The following SRGAP1 variants were observed in gnomAD, a reference collection of about 807,000 sequenced individuals.
SRGAP1 encodes the protein SLIT-ROBO Rho GTPase activating protein 1, also known as SLIT-ROBO Rho GTPase-activating protein 1.
In SRGAP1, 43 loss-of-function variants were observed where a neutral mutation model predicts 121.9. The observed-to-expected ratio is 0.35, with a 90% CI of 0.28 to 0.46. The LOEUF (loss-of-function observed/expected upper bound fraction) is 0.46. SRGAP1 is among the 20% of genes least tolerant of loss of function. The probability of loss-of-function intolerance (pLI) is 1.00; values close to 1 mark genes in which losing one functional copy is unlikely to be tolerated. For synonymous variants in SRGAP1, 447 were observed against 485.4 expected (o/e 0.92, Z 1.04); for missense variants, 1,102 against 1,350.9 (o/e 0.82, Z 2.89).
intron 9 of SRGAP1, among the ~76,000 whole-genome samples, chr12:64,079,583 G>T (rs974085075): frequency 2.0e-5 from 3 of 151,960 alleles, no homozygotes; most frequent in Non-Finnish European, 4.4e-5. Context: ...CTACTTGGGA[G>T]GCTGAGGTGA....
At chr12:63,904,977 C>T (rs1227984599) in intron 1 of SRGAP1, among the ~76,000 whole-genome samples, 2 of 152,012 alleles carry the variant, frequency 1.3e-5, no homozygotes, top group African/African-American at 4.8e-5. Context: ...GAAAACTTTC[C>T]GTTTTACCTT....
At chr12:64,045,428 T>C (rs2035109618) in intron 6 of SRGAP1, among the ~76,000 whole-genome samples, 1 of 151,794 alleles carries the variant, frequency 6.6e-6, no homozygotes, top group Admixed American at 6.6e-5. Context: ...CTTGGCTAAA[T>C]CCAAACCAAT....
chr12:63,902,708 T>A (rs2029994560), intron 1 of SRGAP1, among the ~76,000 whole-genome samples: 1 of 152,246 alleles, frequency 6.6e-6, no homozygotes, highest in Non-Finnish European at 1.5e-5. Context: ...GACAGCTGCA[T>A]GAAGAGACCT....
At chr12:63,849,778 A>G (rs1310905097) in intron 1 of SRGAP1, among the ~76,000 whole-genome samples, 1 of 152,234 alleles carries the variant, frequency 6.6e-6, no homozygotes, top group Non-Finnish European at 1.5e-5. Context: ...CACTCATTAC[A>G]TGATGCAGGG....
At position 63,987,826 on chromosome 12, in the gene SRGAP1, C is replaced by T. The variant is rs138093042; in HGVS notation, c.264-2084C>T. On this transcript the variant is annotated intron_variant, in intron 2 of 21. Transcript: ENST00000355086. ...TGTCTGTAAAATCTTTATACCAGCCCGTGATAAAACAGCTGACTTTATATA... is the reference window on the plus strand; with the variant it reads ...TGTCTGTAAAATCTTTATACCAGCCTGTGATAAAACAGCTGACTTTATATA... Among the ~76,000 whole-genome samples, 885 of 152,218 alleles carry T rather than the reference C, an allele frequency of 5.8e-3. 15 individuals are homozygous for T. The highest frequency in any genetic ancestry group is 0.018 in the Admixed American group (277 of 15,284).
chr12:64,039,216 C>T (rs558159815), intron 4 of SRGAP1, among the ~76,000 whole-genome samples: 69 of 152,290 alleles, frequency 4.5e-4, no homozygotes, highest in African/African-American at 1.6e-3. Context: ...AATTGGAAAA[C>T]TCAACAAAGA....
At chr12:64,024,262 C>T (rs2034608094) in intron 4 of SRGAP1, among the ~76,000 whole-genome samples, 1 of 152,090 alleles carries the variant, frequency 6.6e-6, no homozygotes, top group Non-Finnish European at 1.5e-5. Context: ...AAACCTGTCT[C>T]TCCTAAAAAA....
At chr12:64,099,608 C>T (rs887549977) in intron 15 of SRGAP1, among the ~76,000 whole-genome samples, 2 of 152,114 alleles carry the variant, frequency 1.3e-5, no homozygotes, top group African/African-American at 4.8e-5. Context: ...ACGGCCCTTG[C>T]GTAGCCTGAG....
chr12:64,103,304 A>G (rs1009496680), intron 15 of SRGAP1, among the ~76,000 whole-genome samples: 1 of 152,218 alleles, frequency 6.6e-6, no homozygotes, highest in African/African-American at 2.4e-5. Flanking sequence ...AAATTATGCC[A>G]CGCCATACTG....
chr12:63,845,854 T>C (rs969607669), intron 1 of SRGAP1, among the ~76,000 whole-genome samples: 1 of 152,158 alleles, frequency 6.6e-6, no homozygotes, highest in Non-Finnish European at 1.5e-5. Context: ...TTCATAAAGA[T>C]TGCTATGTAT....
At position 63,844,731 on chromosome 12, in the gene SRGAP1, AGT is replaced by A; in HGVS notation, c.-85_-84del. The A allele has an allele frequency of 1.5e-6, 2 of 1,316,640 alleles. No homozygotes were observed. Among genetic ancestry groups the A allele is most frequent in the Non-Finnish European group, 2.2e-6 (2 of 908,556 alleles). 81.6% of individuals were successfully genotyped at this position (1,316,640 alleles called of 1,614,324 possible). A position where few individuals can be genotyped will look rare whatever the true frequency, so the allele number is the denominator to read the frequency against. The stretch of plus-strand genomic sequence containing the variant: ...TGCCTCTGGATTGCCTGCGTGTGGG[AGT>A]ACAACTCTGCCTCTCCAAGGAGAAC... On this transcript the variant is annotated 5_prime_UTR_variant, in exon 1 of 22. Coordinates refer to ENST00000355086, the MANE Select transcript of SRGAP1 (RefSeq NM_020762.4). This position sits in a 1 kb window ranked among gnomAD's most constrained non-coding sequence, Gnocchi z 4.3.
At chr12:64,129,515 C>T (rs2036750335) in intron 21 of SRGAP1, among the ~76,000 whole-genome samples, 1 of 152,178 alleles carries the variant, frequency 6.6e-6, no homozygotes, top group Non-Finnish European at 1.5e-5. Flanking sequence ...AGGAGTAACA[C>T]TTTGCATCCT....
At chr12:64,109,094 A>G in intron 16 of SRGAP1, 57 bp downstream of exon 16, 4 of 1,177,082 alleles carry the variant, frequency 3.4e-6, no homozygotes, top group Non-Finnish European at 4.7e-6. Flanking sequence ...TTGTTCTTCG[A>G]TCCTGTAAAA....
intron 3 of SRGAP1, among the ~76,000 whole-genome samples, chr12:64,014,950 G>A (rs2034360403): frequency 6.6e-6 from 1 of 150,484 alleles, no homozygotes; most frequent in Non-Finnish European, 1.5e-5. Flanking sequence ...CTGAGTAGCT[G>A]GAATTACAGG....
chr12:63,884,602 A>G (rs979531702), intron 1 of SRGAP1, among the ~76,000 whole-genome samples: 1 of 152,054 alleles, frequency 6.6e-6, no homozygotes, highest in Admixed American at 6.6e-5. Context: ...TGTTAACTGT[A>G]ATCACCCTGC....
chr12:63,902,500 C>G (rs929383189), intron 1 of SRGAP1, among the ~76,000 whole-genome samples: 1 of 152,134 alleles, frequency 6.6e-6, no homozygotes, highest in African/African-American at 2.4e-5. Context: ...GCAGACTAAC[C>G]ACAGTTACCC....
At chr12:63,859,273 C>T (rs1000283733) in intron 1 of SRGAP1, among the ~76,000 whole-genome samples, 1 of 152,140 alleles carries the variant, frequency 6.6e-6, no homozygotes, top group Non-Finnish European at 1.5e-5. Flanking sequence ...GATTTTGGTG[C>T]CTCAGCCTCC....
intron 1 of SRGAP1, among the ~76,000 whole-genome samples, chr12:63,896,750 C>T (rs1466692949): frequency 2.0e-5 from 3 of 152,134 alleles, no homozygotes; most frequent in South Asian, 2.1e-4. Flanking sequence ...TGTGGGCTGA[C>T]GCTGGCCCAT....
intron 3 of SRGAP1, among the ~76,000 whole-genome samples, chr12:64,011,248 C>T (rs188240493): frequency 2.6e-5 from 4 of 151,902 alleles, no homozygotes; most frequent in Admixed American, 6.5e-5. Context: ...CAATTTTAAT[C>T]AGAGGAAGCC....
Sources: gnomAD v4.1 joint callset for allele counts (sites outside exome capture counted in the v4.1 genomes callset) on GRCh38, gnomAD v4.1.1 for gene constraint, Gnocchi (gnomAD v3.1) non-coding constraint, MANE v1.5 for transcripts, NCBI Gene and HGNC (gene_info 2026-07-23, HGNC 2026-07-21) for gene names.